The following TUBGCP2 variants were observed in gnomAD, a reference collection of about 807,000 sequenced individuals.
The protein encoded by TUBGCP2 is tubulin gamma complex component 2.
TUBGCP2 carries 55 observed loss-of-function variants against 92.2 expected under a neutral mutation model. That is an observed-to-expected ratio of 0.60 (90% CI 0.48 to 0.75). The LOEUF (loss-of-function observed/expected upper bound fraction) is 0.75. TUBGCP2 is among the 30% of genes least tolerant of loss of function. The pLI is 0.00. For missense variants in TUBGCP2, 1,093 were observed against 1,188.9 expected (o/e 0.92, Z 1.19); for synonymous variants, 533 against 505.2 (o/e 1.06, Z -0.74).
chr10:133,292,807 T>C (rs2136125771), intron 7 of TUBGCP2, 119 bp from the exon 8 acceptor site: 1 of 1,279,158 alleles, frequency 7.8e-7, no homozygotes, highest in South Asian at 1.5e-5. Flanking sequence ...TGCTGCTTCT[T>C]TGGGATACGT....
In TUBGCP2 at chr10:133,300,106, A is replaced by G. The variant is rs1183296771; in HGVS notation, c.158T>C (p.Ile53Thr). Residue 53 changes from isoleucine (I) to threonine (T), a missense_variant, in exon 3 of 18, where the codon ATT becomes ACT. Ile to Thr is a moderately conservative substitution (Grantham distance 89). Around this residue, in one of 3 missense-constraint regions of TUBGCP2, gnomAD observed 490 missense variants for 488.5 expected, o/e 1.00. Transcript: ENST00000252936. ...TTCTGGAGTACGAGAAAACTCTGCAATTTTAACCTCAAAAGCACAAACATG... is the reference window on the plus strand; with the variant it reads ...TTCTGGAGTACGAGAAAACTCTGCAGTTTTAACCTCAAAAGCACAAACATG... Reference protein sequence around the residue: ...TVSAHSAKVKIAEFSRTPEDF... With the variant: ...TVSAHSAKVKTAEFSRTPEDF... The G allele has an allele frequency of 1.2e-6, 2 of 1,613,478 alleles. No individual in the cohort carries two copies. The highest frequency in any genetic ancestry group is 3.3e-5 in the Admixed American group (2 of 59,880).
intron 6 of TUBGCP2, 88 bp downstream of exon 6, chr10:133,293,474 G>C (rs1441054755): frequency 7.0e-7 from 1 of 1,437,172 alleles, no homozygotes; most frequent in African/African-American, 1.4e-5. Context: ...CTTTAGAAGC[G>C]ATGCAGACGT....
rs775432940 is a variant in TUBGCP2 at position 133,285,524 on chromosome 10, C to G, written c.1827G>C (p.Ala609=). 1.7e-5 allele frequency: 28 copies of G among 1,604,178 alleles called. No individual in the cohort carries two copies. The Admixed American group carries it at 3.2e-4, about 18-fold the overall frequency. ...AMAHADPTEL[A]LSGLEAFSFD... is the part of the protein sequence containing the mutation. ...AAGAGAAGGCCTCCAGGCCGCTCAG[C>G]GCCAGCTCCGTGGGGTCGGCGTGCG... The change falls in exon 12 of 18, where the codon GCG becomes GCC. Residue 609 remains alanine (A), a synonymous_variant. Transcript: ENST00000252936. The surrounding 1 kb of genome is among the most constrained non-coding windows in gnomAD (Gnocchi z 6.8).
rs759006952 is a variant in TUBGCP2 at position 133,285,544 on chromosome 10, C to T, written c.1807G>A (p.Ala603Thr). 3.1e-6 allele frequency: 5 copies of T among 1,588,004 alleles called. No individual in the cohort carries two copies. Among genetic ancestry groups the T allele is most frequent in the South Asian group, 1.1e-5 (1 of 87,960 alleles). The change falls in exon 12 of 18, where the codon GCC becomes ACC. Residue 603 changes from alanine (A) to threonine (T), a missense_variant. Coordinates refer to ENST00000252936, the MANE Select transcript of TUBGCP2 (RefSeq NM_006659.4). The surrounding 1 kb of genome is among the most constrained non-coding windows in gnomAD (Gnocchi z 6.8). ...ETKQEKAMAH[A>T]DPTELALSGL... The stretch of plus-strand genomic sequence containing the variant: ...CTCAGCGCCAGCTCCGTGGGGTCGG[C>T]GTGCGCCATCGCCTTCTCCTGCTTG...
chr10:133,297,471 A>G (rs1402167736), intron 5 of TUBGCP2: 19 of 438,862 alleles, frequency 4.3e-5, no homozygotes, highest in South Asian at 2.6e-4. Context: ...CAGGTCCCCA[A>G]TAACAACGTC....
At chr10:133,302,614 T>C in intron 2 of TUBGCP2, 178 bp downstream of exon 2, 3 of 689,268 alleles carry the variant, frequency 4.4e-6, no homozygotes, top group Non-Finnish European at 7.2e-6. Flanking sequence ...TCCTGCACCC[T>C]GACCCAGGGG....
chr10:133,284,995 C>T, intron 13 of TUBGCP2, 90 bp downstream of exon 13: 1 of 1,497,980 alleles, frequency 6.7e-7, no homozygotes, highest in Admixed American at 2.2e-5. Context: ...AGCTGTCTAC[C>T]AGGAGGGCAC....
At chr10:133,297,305 G>A in intron 5 of TUBGCP2, 1 of 361,468 alleles carries the variant, frequency 2.8e-6, no homozygotes, top group Non-Finnish European at 5.3e-6. Context: ...GGCTGAGGCA[G>A]GAGAATCGCT....
chr10:133,300,285 T>C (rs1415865769), intron 2 of TUBGCP2, 172 bp from the exon 3 acceptor site: 4 of 831,232 alleles, frequency 4.8e-6, no homozygotes, highest in African/African-American at 3.4e-5. Context: ...GTTAAACTTA[T>C]CCATGTTTTG....
intron 16 of TUBGCP2, 126 bp from the exon 17 acceptor site, chr10:133,281,562 CATG>C: frequency 8.0e-7 from 1 of 1,244,600 alleles, no homozygotes; most frequent in Non-Finnish European, 1.1e-6. Context: ...ACATGGGTTC[CATG>C]ATGTTTTCAG....
At chr10:133,299,846 T>C in intron 3 of TUBGCP2, 139 bp downstream of exon 3, 1 of 1,254,662 alleles carries the variant, frequency 8.0e-7, no homozygotes, top group Non-Finnish European at 1.1e-6. Flanking sequence ...CACCAAAAAT[T>C]TCCTACATGG....
intron 9 of TUBGCP2, 27 bp downstream of exon 9, chr10:133,289,797 C>CGCAAGTCCCCGCCCGCTGCGCCGCGGACG (rs1554935318): frequency 1.8e-4 from 27 of 147,610 alleles, no homozygotes; most frequent in Middle Eastern, 3.4e-3. Context: ...TGCTGCGCAC[C>CGCAAGTCCCCGCCCGCTGCGCCGCGGACG]CCAAGTCCCC....
At chr10:133,293,266 A>C in intron 6 of TUBGCP2, 28 bp from the exon 7 acceptor site, 3 of 1,609,736 alleles carry the variant, frequency 1.9e-6, no homozygotes, top group Non-Finnish European at 2.5e-6. Context: ...AGACTTCCTC[A>C]AAAAGGCAAG....
Position 133,308,862 on chromosome 10 carries a change from G to A in TUBGCP2, c.-79C>T, listed in dbSNP as rs900053060. The A allele has an allele frequency of 1.3e-5, 15 of 1,156,540 alleles. No individual in the cohort carries two copies. The highest frequency in any genetic ancestry group is 1.3e-4 in the African/African-American group (8 of 62,130). 71.6% of individuals were successfully genotyped at this position (1,156,540 alleles called of 1,614,324 possible). A position where few individuals can be genotyped will look rare whatever the true frequency, so the allele number is the denominator to read the frequency against. On this transcript the variant is annotated 5_prime_UTR_variant, in exon 1 of 18. Coordinates refer to ENST00000252936, the MANE Select transcript of TUBGCP2 (RefSeq NM_006659.4). ...CACAGCCCCCGCGCAGCCCCCGACG[G>A]CGGCGGAAGTGAGCGTGACGTCACG...
At chr10:133,294,410 C>G (rs1847443286) in intron 5 of TUBGCP2, among the ~76,000 whole-genome samples, 1 of 152,156 alleles carries the variant, frequency 6.6e-6, no homozygotes, top group Non-Finnish European at 1.5e-5. Flanking sequence ...CCCGTGCCAG[C>G]CAGACCATAC....
At chr10:133,300,213 A>C (rs1165769586) in intron 2 of TUBGCP2, 100 bp from the exon 3 acceptor site, 5 of 1,369,072 alleles carry the variant, frequency 3.7e-6, no homozygotes, top group Admixed American at 2.2e-5. Flanking sequence ...AATGGAATTA[A>C]ATTGGGTAGG....
rs987638674 is a variant in TUBGCP2 at position 133,300,089 on chromosome 10, T to C, written c.175A>G (p.Thr59Ala). The C allele has an allele frequency of 6.2e-7, 1 of 1,613,900 alleles. No homozygotes were observed. The highest frequency in any genetic ancestry group is 1.3e-5 in the African/African-American group (1 of 75,026). The change falls in exon 3 of 18, where the codon ACT (threonine) becomes GCT (alanine). Residue 59 changes from threonine to alanine, a missense_variant. By Grantham distance (58) the Thr-to-Ala change is moderately conservative. This residue lies in a region of TUBGCP2 where 490 missense variants were observed against 488.5 expected (regional missense o/e 1.00). Transcript: ENST00000252936. ...TATTTCTTTAGAAAGTCTTCTGGAG[T>C]ACGAGAAAACTCTGCAATTTTAACC... ...AKVKIAEFSR[T>A]PEDFLKKYDE...
chr10:133,301,175 C>G (rs1472485725), intron 2 of TUBGCP2, among the ~76,000 whole-genome samples: 1 of 152,212 alleles, frequency 6.6e-6, no homozygotes, highest in African/African-American at 2.4e-5. Flanking sequence ...GTTGCCCAGG[C>G]TGGAGTGCAA....
chr10:133,290,042 G>A lies in TUBGCP2; in HGVS notation c.1215-73C>T, dbSNP rs1185625176. 67 of 1,583,442 alleles carry A rather than the reference G, an allele frequency of 4.2e-5. No homozygotes were observed. In the South Asian group the frequency reaches 5.0e-4, roughly 12 times the overall value. On this transcript the variant is annotated intron_variant, in intron 8 of 17. Transcript: ENST00000252936. ...GAGGCAGGCGACACTTCTCCAGGCC[G>A]GCAGCGCGCAGGGACATTAACAGAG... is the stretch of plus-strand genomic sequence containing the variant.
Sources: gnomAD v4.1 joint callset for allele counts (sites outside exome capture counted in the v4.1 genomes callset) on GRCh38, gnomAD v4.1.1 for gene constraint, gnomAD v4.1.1 regional missense constraint, Gnocchi (gnomAD v3.1) non-coding constraint, MANE v1.5 for transcripts, NCBI Gene and HGNC (gene_info 2026-07-23, HGNC 2026-07-21) for gene names.